Variants in UPK1B observed in about 807,000 individuals in gnomAD.
The protein encoded by UPK1B is uroplakin-1b.
A neutral mutation model predicts 34.2 loss-of-function variants in UPK1B; 28 were observed. The observed-to-expected ratio is 0.82, with a 90% CI of 0.61 to 1.12. The LOEUF (loss-of-function observed/expected upper bound fraction) is 1.12, where lower values mean the gene tolerates loss of function less well. Among genes scored for constraint, UPK1B ranks in the 50% most tolerant of loss-of-function variants. The pLI is 0.00. For synonymous variants in UPK1B, 81 were observed against 110.4 expected (o/e 0.73, Z 1.67); for missense variants, 325 against 320.9 (o/e 1.01, Z -0.10).
chr3:119,180,804 C>T (rs188153045), intron 1 of UPK1B, among the ~76,000 whole-genome samples: 1 of 152,118 alleles, frequency 6.6e-6, no homozygotes, highest in African/African-American at 2.4e-5. Flanking sequence ...AAACATCAGC[C>T]AGGCCTGATC....
At position 119,204,229 on chromosome 3, in the gene UPK1B, A is replaced by C; in HGVS notation, c.*262A>C. 4.7e-6 allele frequency: 2 copies of C among 425,480 alleles called. No homozygotes were observed. 26.4% of individuals were successfully genotyped at this position (425,480 alleles called of 1,614,324 possible). On this transcript the variant is annotated 3_prime_UTR_variant, in exon 8 of 8. Coordinates refer to ENST00000264234, the MANE Select transcript of UPK1B (RefSeq NM_006952.4). The stretch of plus-strand genomic sequence containing the variant: ...TGAAAAATGCATAATAACTACTTCC[A>C]TCCCTGCTTATTTTTAATTTGGGAA...
At position 119,194,405 on chromosome 3, in the gene UPK1B, C is replaced by T. The variant is rs2078057636; in HGVS notation, c.648+7C>T. 6.9e-6 allele frequency: 11 copies of T among 1,596,210 alleles called. No individual in the cohort carries two copies. Among genetic ancestry groups the T allele is most frequent in the Non-Finnish European group, 9.4e-6 (11 of 1,173,048 alleles). On this transcript the variant is annotated splice_region_variant and intron_variant, in intron 6 of 7. Transcript: ENST00000264234. ...TGGTTTTTATCACAATCAGGTGAGTCCTCTCTCCTCCCAAGACTTCCCAGG... is the reference window on the plus strand; with the variant it reads ...TGGTTTTTATCACAATCAGGTGAGTTCTCTCTCCTCCCAAGACTTCCCAGG...
At position 119,187,192 on chromosome 3, in the gene UPK1B, T is replaced by C. The variant is rs1225829028; in HGVS notation, c.69+382T>C. Among the ~76,000 whole-genome samples, 4 of 152,214 alleles carry C rather than the reference T, an allele frequency of 2.6e-5. No homozygotes were observed. The East Asian group carries it at 7.7e-4, about 29-fold the overall frequency. On this transcript the variant is annotated intron_variant, in intron 2 of 7. Coordinates refer to ENST00000264234, the MANE Select transcript of UPK1B (RefSeq NM_006952.4). ...AGATGCTTGCATCTTGTTCTTCTCA[T>C]ACAGAGGCCAGTACCAGGGTGTAAG... is the stretch of plus-strand genomic sequence containing the variant.
intron 2 of UPK1B, 69 bp downstream of exon 2, chr3:119,186,879 AAG>A: frequency 6.6e-7 from 1 of 1,525,490 alleles, no homozygotes; most frequent in South Asian, 1.2e-5. Flanking sequence ...AATCAAAAGT[AAG>A]AGTTTAAAGG....
At chr3:119,192,763 C>T (rs1329206699) in intron 5 of UPK1B, among the ~76,000 whole-genome samples, 1 of 152,130 alleles carries the variant, frequency 6.6e-6, no homozygotes, top group Admixed American at 6.6e-5. Flanking sequence ...TCTCCTTTGC[C>T]CCAACAGTCT....
At position 119,180,858 on chromosome 3, in the gene UPK1B, C is replaced by G. The variant is rs561074531; in HGVS notation, c.-28-5856C>G. 3.3e-5 allele frequency among the ~76,000 whole-genome samples: 5 copies of G among 152,234 alleles called. No homozygotes were observed. The East Asian group carries it at 9.6e-4, about 29-fold the overall frequency. On this transcript the variant is annotated intron_variant, in intron 1 of 7. Coordinates refer to ENST00000264234, the MANE Select transcript of UPK1B (RefSeq NM_006952.4). ...TATGTCACCTTTCCTCTAAGTGTGC[C>G]AGGAAAGCAGCTCTTCCTAAAGATC...
intron 4 of UPK1B, 25 bp downstream of exon 4, chr3:119,190,344 AT>A: frequency 6.4e-7 from 1 of 1,552,994 alleles, no homozygotes; most frequent in Non-Finnish European, 8.9e-7. Flanking sequence ...AAAAAGCAAA[AT>A]AATATGAATT....
chr3:119,183,190 C>T (rs2077997002), intron 1 of UPK1B, among the ~76,000 whole-genome samples: 4 of 152,024 alleles, frequency 2.6e-5, no homozygotes, highest in Admixed American at 2.0e-4. Flanking sequence ...CCAGGCAGAC[C>T]TGTGTTTCAG....
chr3:119,186,573 C>A, intron 1 of UPK1B, 141 bp from the exon 2 acceptor site: 3 of 622,246 alleles, frequency 4.8e-6, no homozygotes, highest in South Asian at 4.3e-5. Flanking sequence ...GATTACCAAG[C>A]TCAATAATCA....
At chr3:119,194,511 C>A in intron 6 of UPK1B, 113 bp downstream of exon 6, 1 of 1,049,882 alleles carries the variant, frequency 9.5e-7, no homozygotes, top group South Asian at 2.0e-5. Context: ...CATTCTTTTC[C>A]CTAAACCTCA....
At chr3:119,177,824 G>C (rs2077964449) in intron 1 of UPK1B, among the ~76,000 whole-genome samples, 2 of 152,214 alleles carry the variant, frequency 1.3e-5, no homozygotes, top group African/African-American at 2.4e-5. Context: ...ATATTGCTGT[G>C]GCAGAGGCTA....
chr3:119,203,184 T>C (rs1005495668), intron 7 of UPK1B, among the ~76,000 whole-genome samples: 1 of 151,068 alleles, frequency 6.6e-6, no homozygotes, highest in Non-Finnish European at 1.5e-5. Flanking sequence ...CTACTAAAAA[T>C]ACAAAAATTA....
chr3:119,176,038 T>C (rs1296710930), intron 1 of UPK1B: 2 of 152,218 alleles, frequency 1.3e-5, no homozygotes, highest in Admixed American at 1.3e-4. Flanking sequence ...CAGCAATTGT[T>C]GTGACCTACA....
chr3:119,190,530 CT>C (rs1451592509), intron 4 of UPK1B, among the ~76,000 whole-genome samples: 1 of 152,184 alleles, frequency 6.6e-6, no homozygotes, highest in African/African-American at 2.4e-5. Flanking sequence ...GGTAAAATGA[CT>C]TGTCTAAAGT....
At chr3:119,193,520 TGTA>T (rs1265397711) in intron 5 of UPK1B, among the ~76,000 whole-genome samples, 2 of 152,340 alleles carry the variant, frequency 1.3e-5, no homozygotes, top group Non-Finnish European at 2.9e-5. Flanking sequence ...GTGTAAGGGA[TGTA>T]TTAATTGGTC....
At chr3:119,197,981 C>T (rs964005884) in intron 6 of UPK1B, among the ~76,000 whole-genome samples, 3 of 152,158 alleles carry the variant, frequency 2.0e-5, no homozygotes, top group Admixed American at 2.0e-4. Flanking sequence ...GGAGCAGGCC[C>T]AGCTTTTTGA....
chr3:119,184,976 T>C (rs2078010473), intron 1 of UPK1B, among the ~76,000 whole-genome samples: 1 of 152,262 alleles, frequency 6.6e-6, no homozygotes, highest in Non-Finnish European at 1.5e-5. Context: ...CTTTACAATG[T>C]GACTCAACCA....
intron 7 of UPK1B, among the ~76,000 whole-genome samples, chr3:119,201,559 C>T (rs2078090834): frequency 6.6e-6 from 1 of 152,114 alleles, no homozygotes; most frequent in African/African-American, 2.4e-5. Flanking sequence ...CCATCGAGTC[C>T]CTCCCATGAC....
At chr3:119,193,267 T>C (rs1376571368) in intron 5 of UPK1B, among the ~76,000 whole-genome samples, 3 of 152,256 alleles carry the variant, frequency 2.0e-5, no homozygotes, top group Non-Finnish European at 4.4e-5. Context: ...TTAACCATTT[T>C]TCCCAGAATG....
Sources: gnomAD v4.1 joint callset for allele counts (sites outside exome capture counted in the v4.1 genomes callset) on GRCh38, gnomAD v4.1.1 for gene constraint, MANE v1.5 for transcripts, NCBI Gene and HGNC (gene_info 2026-07-23, HGNC 2026-07-21) for gene names.